Variants in SUGCT observed in about 807,000 individuals in gnomAD.
The protein encoded by SUGCT is succinyl-CoA:glutarate-CoA transferase.
In SUGCT, 41 loss-of-function variants were observed where a neutral mutation model predicts 55.0. That is an observed-to-expected ratio of 0.74 (90% CI 0.58 to 0.97). The LOEUF is 0.97. SUGCT is among the 50% of genes least tolerant of loss of function. The pLI, the probability that SUGCT is intolerant of heterozygous loss-of-function variation, is 0.00. For synonymous variants in SUGCT, 187 were observed against 200.4 expected, an observed-to-expected ratio of 0.93 and a Z score of 0.56; for missense variants, 568 against 547.8, an observed-to-expected ratio of 1.04 and a Z score of -0.37.
chr7:40,457,958 T>C (rs1405275028), intron 10 of SUGCT, among the ~76,000 whole-genome samples: 1 of 152,212 alleles, frequency 6.6e-6, no homozygotes, highest in African/African-American at 2.4e-5. Context: ...GGGAGGTTTC[T>C]AGAAAGGGTG....
At chr7:40,205,906 T>C (rs1193319879) in intron 6 of SUGCT, among the ~76,000 whole-genome samples, 1 of 152,126 alleles carries the variant, frequency 6.6e-6, no homozygotes, top group Non-Finnish European at 1.5e-5. Context: ...GGCCTAGAAA[T>C]ACAGTATAAA....
At chr7:40,439,553 T>C (rs527829959) in intron 9 of SUGCT, among the ~76,000 whole-genome samples, 3 of 152,320 alleles carry the variant, frequency 2.0e-5, no homozygotes, top group African/African-American at 7.2e-5. Flanking sequence ...AGTCACTCAG[T>C]TGGGCTCTCA....
intron 1 of SUGCT, among the ~76,000 whole-genome samples, chr7:40,174,333 C>G (rs1031821230): frequency 6.6e-6 from 1 of 152,060 alleles, no homozygotes; most frequent in African/African-American, 2.4e-5. Flanking sequence ...CATCATGGCT[C>G]TCTGTAACCT....
intron 7 of SUGCT, among the ~76,000 whole-genome samples, chr7:40,261,186 T>C (rs914277877): frequency 2.5e-4 from 38 of 152,204 alleles, no homozygotes; most frequent in African/African-American, 8.0e-4. Context: ...AATCTATTTT[T>C]ATGGGTAAGA....
At chr7:40,547,794 A>G (rs957001203) in intron 12 of SUGCT, among the ~76,000 whole-genome samples, 1 of 152,154 alleles carries the variant, frequency 6.6e-6, no homozygotes, top group Non-Finnish European at 1.5e-5. Context: ...TCATTCACAT[A>G]CATATACCTA....
At chr7:40,438,337 C>G (rs1788286230) in intron 9 of SUGCT, among the ~76,000 whole-genome samples, 1 of 152,104 alleles carries the variant, frequency 6.6e-6, no homozygotes, top group Non-Finnish European at 1.5e-5. Context: ...TTTTGTGTCT[C>G]CTAGTTTGAT....
chr7:40,168,498 A>C (rs1047554964), intron 1 of SUGCT, among the ~76,000 whole-genome samples: 36 of 152,350 alleles, frequency 2.4e-4, no homozygotes, highest in African/African-American at 7.7e-4. Flanking sequence ...GATAAACTTA[A>C]CAAGGAGGTT....
chr7:40,248,551 T>G (rs1355334951), intron 7 of SUGCT, among the ~76,000 whole-genome samples: 2 of 151,884 alleles, frequency 1.3e-5, no homozygotes, highest in Non-Finnish European at 2.9e-5. Context: ...ATTTTCTACA[T>G]GCGCAATTAT....
At chr7:40,842,720 A>T (rs1793337454) in intron 13 of SUGCT, among the ~76,000 whole-genome samples, 2 of 152,220 alleles carry the variant, frequency 1.3e-5, no homozygotes, top group South Asian at 2.1e-4. Context: ...TATCCAACTT[A>T]TAAAGTGGAT....
chr7:40,222,862 T>G (rs1562589399), intron 6 of SUGCT, among the ~76,000 whole-genome samples: 1 of 152,116 alleles, frequency 6.6e-6, no homozygotes, highest in Admixed American at 6.5e-5. Flanking sequence ...TCTCTTGACC[T>G]TGTGATCCAC....
chr7:40,799,113 C>A (rs1271079296), intron 13 of SUGCT, among the ~76,000 whole-genome samples: 1 of 152,130 alleles, frequency 6.6e-6, no homozygotes, highest in African/African-American at 2.4e-5. Flanking sequence ...AACACATTTC[C>A]AGTCAGATCA....
chr7:40,253,307 A>G (rs1790566450), intron 7 of SUGCT, among the ~76,000 whole-genome samples: 1 of 152,218 alleles, frequency 6.6e-6, no homozygotes. Context: ...GAAAGGTGAC[A>G]TCCCTTTTAG....
At chr7:40,507,952 T>C in intron 12 of SUGCT, among the ~76,000 whole-genome samples, 1 of 152,186 alleles carries the variant, frequency 6.6e-6, no homozygotes, top group Non-Finnish European at 1.5e-5. Context: ...CTAACATCTT[T>C]CTCTTAATTG....
chr7:40,307,056 G>A (rs1188168984), intron 8 of SUGCT, among the ~76,000 whole-genome samples: 1 of 152,114 alleles, frequency 6.6e-6, no homozygotes, highest in Non-Finnish European at 1.5e-5. Flanking sequence ...ATAATTCAGA[G>A]GAATGTTCCT....
chr7:40,437,229 A>G (rs1788227993), intron 9 of SUGCT, among the ~76,000 whole-genome samples: 1 of 152,156 alleles, frequency 6.6e-6, no homozygotes, highest in Admixed American at 6.6e-5. Context: ...CATTACCTCC[A>G]CACCCAGTAT....
intron 1 of SUGCT, among the ~76,000 whole-genome samples, chr7:40,165,522 AAGAC>A (rs922518569): frequency 1.3e-5 from 2 of 152,218 alleles, no homozygotes; most frequent in African/African-American, 4.8e-5. Context: ...AGAGGCCAAA[AAGAC>A]AGAGAGATAT....
At chr7:40,680,666 C>T (rs1322292718) in intron 12 of SUGCT, among the ~76,000 whole-genome samples, 1 of 152,100 alleles carries the variant, frequency 6.6e-6, no homozygotes, top group Non-Finnish European at 1.5e-5. Context: ...TGGTACAATC[C>T]TAATCTGGAG....
At chr7:40,632,749 A>G (rs544552095) in intron 12 of SUGCT, among the ~76,000 whole-genome samples, 5 of 152,186 alleles carry the variant, frequency 3.3e-5, no homozygotes, top group South Asian at 4.2e-4. Flanking sequence ...ATTTTTCACT[A>G]CATCTTCAAA....
chr7:40,573,827 T>G (rs558797578), intron 12 of SUGCT, among the ~76,000 whole-genome samples: 1 of 152,276 alleles, frequency 6.6e-6, no homozygotes, highest in African/African-American at 2.4e-5. Context: ...CTTGAGCAGG[T>G]TGTTGACTTC....
Sources: allele counts gnomAD v4.1 joint callset (sites outside exome capture counted in the v4.1 genomes callset), GRCh38; gene constraint gnomAD v4.1.1; transcripts MANE v1.5; gene names NCBI Gene and HGNC (gene_info 2026-07-23, HGNC 2026-07-21).